Variants in PCDHGA7 observed in about 807,000 individuals in gnomAD.
The protein encoded by PCDHGA7 is protocadherin gamma subfamily A, 7.
PCDHGA7 carries 44 observed loss-of-function variants against 58.3 expected under a neutral mutation model. The observed-to-expected ratio is 0.75, with a 90% CI of 0.59 to 0.97. The LOEUF is 0.97. Ranked by LOEUF, PCDHGA7 falls within the 50% of genes least tolerant of loss-of-function variation. The probability of loss-of-function intolerance (pLI) is 0.00; values close to 1 mark genes in which losing one functional copy is unlikely to be tolerated. For synonymous variants in PCDHGA7, 516 were observed against 504.2 expected (o/e 1.02, Z -0.31); for missense variants, 1,266 against 1,188.7 (o/e 1.06, Z -0.96).
intron 1 of PCDHGA7, among the ~76,000 whole-genome samples, chr5:141,481,743 G>C (rs1257734207): frequency 1.3e-5 from 2 of 152,096 alleles, no homozygotes; most frequent in Non-Finnish European, 2.9e-5. Context: ...CACGAGGTCA[G>C]GAGTCCAAGA....
intron 3 of PCDHGA7, among the ~76,000 whole-genome samples, chr5:141,509,040 C>T (rs1217864661): frequency 6.6e-6 from 1 of 152,132 alleles, no homozygotes; most frequent in African/African-American, 2.4e-5. Context: ...CAACCCCTCT[C>T]CCCCGCCCCC....
intron 1 of PCDHGA7, chr5:141,419,742 T>C (rs1388509503): frequency 2.5e-5 from 41 of 1,613,742 alleles, no homozygotes; most frequent in Non-Finnish European, 3.5e-5. Context: ...GAGGTGCGCA[T>C]GGTGCGTGCT....
chr5:141,440,563 T>C (rs1048420758), intron 1 of PCDHGA7: 3 of 152,250 alleles, frequency 2.0e-5, no homozygotes, highest in Admixed American at 6.5e-5. Flanking sequence ...TTAAGTTACG[T>C]ATCTCTGAGT....
At chr5:141,396,767 G>C (rs900685366) in intron 1 of PCDHGA7, 1 of 152,220 alleles carries the variant, frequency 6.6e-6, no homozygotes, top group African/African-American at 2.4e-5. Context: ...ATAAATGTTT[G>C]TTATTAATGA....
At chr5:141,409,620 A>C in intron 1 of PCDHGA7, 2 of 1,613,876 alleles carry the variant, frequency 1.2e-6, no homozygotes, top group Non-Finnish European at 1.7e-6. Flanking sequence ...TCCATTGCGC[A>C]AGTGAGCGCC....
rs996353495 is a variant in PCDHGA7, at chr5:141,485,101, T to G, written c.2425-9706T>G. 12 of 1,158,090 alleles carry G rather than the reference T, an allele frequency of 1.0e-5. No individual in the cohort carries two copies. Among genetic ancestry groups the G allele is most frequent in the Non-Finnish European group, 1.4e-5 (11 of 786,830 alleles). The allele number at this position is 1,158,090 out of a possible 1,614,324, so 71.7% of individuals were successfully genotyped here. ...GGAAAGGGAGATAGGTGTCTCCAGC[T>G]GCTGTGGCTGTTTGGGGCGGGTCGG... On this transcript the variant is annotated intron_variant, in intron 1 of 3. Transcript: ENST00000518325. This position sits in a 1 kb window ranked among gnomAD's most constrained non-coding sequence, Gnocchi z 5.7.
rs546603908 is a variant in PCDHGA7, at chr5:141,408,104, C to G, written c.2424+22781C>G. ...ACAGCGGATTGCCAGCTCCGAGACCCGGGACTCCTCCTGTCCTGGGCCGAA... is the reference window on the plus strand; with the variant it reads ...ACAGCGGATTGCCAGCTCCGAGACCGGGGACTCCTCCTGTCCTGGGCCGAA... On this transcript the variant is annotated intron_variant, in intron 1 of 3. Coordinates refer to ENST00000518325, the MANE Select transcript of PCDHGA7 (RefSeq NM_018920.4). The G allele has an allele frequency of 2.8e-3, 4,048 of 1,441,886 alleles. 13 individuals carry two copies. Among genetic ancestry groups the G allele is most frequent in the Admixed American group, 6.6e-3 (242 of 36,606 alleles). 89.3% of individuals were successfully genotyped at this position (1,441,886 alleles called of 1,614,324 possible). A position where few individuals can be genotyped will look rare whatever the true frequency, so the allele number is the denominator to read the frequency against.
intron 1 of PCDHGA7, chr5:141,405,602 A>C: frequency 1.7e-6 from 1 of 572,914 alleles, no homozygotes; most frequent in South Asian, 2.3e-5. Flanking sequence ...CCCAAGTAGA[A>C]TAACTGGGAC....
At chr5:141,428,241 A>C (rs1416124194) in intron 1 of PCDHGA7, 1 of 961,518 alleles carries the variant, frequency 1.0e-6, no homozygotes, top group Admixed American at 2.0e-5. Flanking sequence ...TGCAGGAGGC[A>C]CTGCCAGACT....
chr5:141,398,212 C>T, intron 1 of PCDHGA7: 1 of 1,484,360 alleles, frequency 6.7e-7, no homozygotes, highest in South Asian at 1.3e-5. Flanking sequence ...CTGCCCGGCG[C>T]TCTGTGAGCA....
chr5:141,400,299 A>C, intron 1 of PCDHGA7: 1 of 1,613,834 alleles, frequency 6.2e-7, no homozygotes, highest in South Asian at 1.1e-5. Context: ...GCTGCTTCCA[A>C]CCTGGTCTCT....
At position 141,431,052 on chromosome 5, in the gene PCDHGA7, G is replaced by T. The variant is rs148326556; in HGVS notation, c.2424+45729G>T. 7.4e-6 allele frequency: 12 copies of T among 1,614,110 alleles called. No homozygotes were observed. The African/African-American group carries it at 1.6e-4, about 22-fold the overall frequency. On this transcript the variant is annotated intron_variant, in intron 1 of 3. Coordinates refer to ENST00000518325, the MANE Select transcript of PCDHGA7 (RefSeq NM_018920.4). The surrounding 1 kb of genome is among the most constrained non-coding windows in gnomAD (Gnocchi z 4.8). ...ATAGACCGGGAGGAGCTCTGTATGG[G>T]GGCCATCAAGTGTCAATTAAATCTA...
In PCDHGA7 at chr5:141,487,153, T is replaced by C; in HGVS notation, c.2425-7654T>C. The stretch of plus-strand genomic sequence containing the variant: ...GTCCACCACTCTCTACCTCTGTTAC[T>C]CTCTTAGTGTCCTTAGAGGAAGACA... On this transcript the variant is annotated intron_variant, in intron 1 of 3. Coordinates refer to ENST00000518325, the MANE Select transcript of PCDHGA7 (RefSeq NM_018920.4). This position sits in a 1 kb window ranked among gnomAD's most constrained non-coding sequence, Gnocchi z 5.0. 3 of 1,613,954 alleles carry C rather than the reference T, an allele frequency of 1.9e-6. No individual in the cohort carries two copies. Among genetic ancestry groups the C allele is most frequent in the Non-Finnish European group, 2.5e-6 (3 of 1,179,838 alleles).
chr5:141,492,695 A>G (rs925499358), intron 1 of PCDHGA7, among the ~76,000 whole-genome samples: 14 of 152,214 alleles, frequency 9.2e-5, no homozygotes, highest in African/African-American at 3.1e-4. Context: ...CGACCCCTCA[A>G]CCCAGAAGCC....
At chr5:141,395,177 T>C in intron 1 of PCDHGA7, 2 of 1,614,120 alleles carry the variant, frequency 1.2e-6, no homozygotes, top group South Asian at 2.2e-5. Flanking sequence ...GTGAGAAAAA[T>C]GATTCTTTGT....
Position 141,487,623 on chromosome 5 carries a change from CT to C in PCDHGA7, c.2425-7181del. 1 of 1,614,206 alleles carries C rather than the reference CT, an allele frequency of 6.2e-7. No homozygotes were observed. Among genetic ancestry groups the C allele is most frequent in the Non-Finnish European group, 8.5e-7 (1 of 1,180,044 alleles). On this transcript the variant is annotated intron_variant, in intron 1 of 3. Transcript: ENST00000518325. This position sits in a 1 kb window ranked among gnomAD's most constrained non-coding sequence, Gnocchi z 5.0. ...CTTCTCTATGGGCTAGAGGTGAGAC[CT>C]TTGCAGGCTCAACAAATGCTTGAGG...
intron 1 of PCDHGA7, among the ~76,000 whole-genome samples, chr5:141,459,937 G>A (rs904431112): frequency 6.6e-6 from 1 of 152,132 alleles, no homozygotes; most frequent in Non-Finnish European, 1.5e-5. Flanking sequence ...TTGTAGCTGG[G>A]CGTGATGGCA....
chr5:141,415,428 G>A, intron 1 of PCDHGA7: 1 of 1,614,206 alleles, frequency 6.2e-7, no homozygotes, highest in Non-Finnish European at 8.5e-7. Flanking sequence ...ACGGGGTTCG[G>A]GCTTTCCTGC....
chr5:141,415,404 C>A lies in PCDHGA7; in HGVS notation c.2424+30081C>A, dbSNP rs199662613. On this transcript the variant is annotated intron_variant, in intron 1 of 3. Transcript: ENST00000518325. ...GCTTGACAGGTGTGTCCGGCTCGCA[C>A]TTTGTGGGCGTGGACGGGGTTCGGG... The A allele has an allele frequency of 2.2e-4, 363 of 1,614,238 alleles. 1 individual carries two copies. Among genetic ancestry groups the A allele is most frequent in the Non-Finnish European group, 6.8e-6 (8 of 1,180,048 alleles).
Sources: allele counts gnomAD v4.1 joint callset (sites outside exome capture counted in the v4.1 genomes callset), GRCh38; gene constraint gnomAD v4.1.1; non-coding constraint Gnocchi (gnomAD v3.1); transcripts MANE v1.5; gene names NCBI Gene and HGNC (gene_info 2026-07-23, HGNC 2026-07-21).